Variants in MOB2 observed in about 807,000 individuals in gnomAD.
The protein encoded by MOB2 is MOB2 Mps One Binder homolog.
In MOB2, 14 loss-of-function variants were observed where a neutral mutation model predicts 27.4. The ratio of observed to expected loss-of-function variants is 0.51; its 90% CI spans 0.34 to 0.80. MOB2 has a LOEUF of 0.80. Ranked by LOEUF, MOB2 falls within the 30% of genes least tolerant of loss-of-function variation. The pLI is 0.01. For synonymous variants in MOB2, 167 were observed against 151.8 expected (o/e 1.10, Z -0.74); for missense variants, 304 against 354.6 (o/e 0.86, Z 1.15).
intron 1 of MOB2, among the ~76,000 whole-genome samples, chr11:1,483,222 C>T (rs1847935776): frequency 6.6e-6 from 1 of 152,208 alleles, no homozygotes; most frequent in African/African-American, 2.4e-5. Context: ...GCGCCCTGCT[C>T]CCAGCTCCCC....
At chr11:1,482,190 C>A (rs1388008596) in intron 1 of MOB2, among the ~76,000 whole-genome samples, 3 of 152,218 alleles carry the variant, frequency 2.0e-5, no homozygotes, top group African/African-American at 7.2e-5. Flanking sequence ...GCCCAGGCTG[C>A]CAAGCGGGCT....
In MOB2 at chr11:1,486,490, G is replaced by A. The variant is rs538768582; in HGVS notation, c.67C>T (p.Leu23Phe). 369 of 1,535,930 alleles carry A rather than the reference G, an allele frequency of 2.4e-4. 3 individuals are homozygous for A. The highest frequency in any genetic ancestry group is 4.9e-4 in the Admixed American group (25 of 51,006). ...GCCTGAAGCACCATTTTGCAGCAGA[G>A]TCCACTTTGCAGGGACTGGCCGGGC... Reference protein sequence around the residue: ...ARPGQSLQSGLCCKMVLQAVS... With the variant: ...ARPGQSLQSGFCCKMVLQAVS... The change falls in exon 1 of 5, where the codon CTC becomes TTC. Residue 23 changes from leucine to phenylalanine, a missense_variant. Physicochemically the swap from Leu to Phe is conservative, Grantham distance 22. Coordinates refer to ENST00000329957, the MANE Select transcript of MOB2 (RefSeq NM_001172223.3).
intron 1 of MOB2, among the ~76,000 whole-genome samples, chr11:1,483,119 G>C (rs1847933204): frequency 6.6e-6 from 1 of 152,258 alleles, no homozygotes; most frequent in African/African-American, 2.4e-5. Context: ...CACAGGCTCT[G>C]AAACAGGCTC....
At chr11:1,481,109 A>G in intron 1 of MOB2, 1 of 663,320 alleles carries the variant, frequency 1.5e-6, no homozygotes, top group Non-Finnish European at 2.7e-6. Context: ...CCTGGGAAGA[A>G]GGGCTGGCGC....
chr11:1,482,799 G>A (rs1458781200), intron 1 of MOB2, among the ~76,000 whole-genome samples: 1 of 152,250 alleles, frequency 6.6e-6, no homozygotes, highest in Non-Finnish European at 1.5e-5. Context: ...CGCAGGACAT[G>A]GCCTCTGCTC....
rs2133357176 is a variant in MOB2 at position 1,471,368 on chromosome 11, T to C, written c.417A>G (p.Pro139=). 6.2e-7 allele frequency: 1 copy of C among 1,613,574 alleles called. No homozygotes were observed. Among genetic ancestry groups the C allele is most frequent in the Non-Finnish European group, 8.5e-7 (1 of 1,179,822 alleles). Residue 139 remains proline (P), a synonymous_variant, in exon 4 of 5, where the codon CCA becomes CCG. Coordinates refer to ENST00000329957, the MANE Select transcript of MOB2 (RefSeq NM_001172223.3). ...ERGKKVKCTA[P]QYVDFVMSSV... is the part of the protein sequence containing the mutation. The stretch of plus-strand genomic sequence containing the variant: ...AGCTCATGACGAAGTCAACGTACTG[T>C]GGGGCCGTGCACTTGACCTTCTTCC...
At chr11:1,471,614 G>A in intron 3 of MOB2, 195 bp from the exon 4 acceptor site, 1 of 603,382 alleles carries the variant, frequency 1.7e-6, no homozygotes, top group Non-Finnish European at 2.8e-6. Context: ...ACTCTATGGA[G>A]GGGTCTGCCT....
chr11:1,470,810 C>T (rs1367066435), intron 4 of MOB2, among the ~76,000 whole-genome samples: 2 of 151,514 alleles, frequency 1.3e-5, no homozygotes, highest in Non-Finnish European at 2.9e-5. Context: ...CTCGGGCCCC[C>T]GTGGTGTCTC....
At chr11:1,481,924 G>A (rs1165158542) in intron 1 of MOB2, among the ~76,000 whole-genome samples, 1 of 152,186 alleles carries the variant, frequency 6.6e-6, no homozygotes, top group Admixed American at 6.5e-5. Flanking sequence ...GACAGACAGG[G>A]TGAGCTTCCG....
rs1847971829 is a variant in MOB2 at position 1,486,515 on chromosome 11, C to T, written c.42G>A (p.Arg14=). The change falls in exon 1 of 5, where the codon CGG becomes CGA. Residue 14 remains arginine (R), a synonymous_variant. Coordinates refer to ENST00000329957, the MANE Select transcript of MOB2 (RefSeq NM_001172223.3). The part of the protein sequence containing the change: ...DHCSLPEDQA[R]PGQSLQSGLC... ...GTCCACTTTGCAGGGACTGGCCGGG[C>T]CGGGCTTGGTCTTCAGGGAGACTGC... 1 of 1,535,678 alleles carries T rather than the reference C, an allele frequency of 6.5e-7. No homozygotes were observed. The highest frequency in any genetic ancestry group is 1.4e-5 in the African/African-American group (1 of 73,040).
intron 3 of MOB2, chr11:1,471,689 G>A (rs1017473774): frequency 5.2e-6 from 2 of 386,490 alleles, no homozygotes; most frequent in Non-Finnish European, 9.3e-6. Flanking sequence ...CTGTACAGGT[G>A]TGTGATTAAA....
At chr11:1,478,209 C>T (rs988313237) in intron 3 of MOB2, among the ~76,000 whole-genome samples, 1 of 152,162 alleles carries the variant, frequency 6.6e-6, no homozygotes, top group Non-Finnish European at 1.5e-5. Context: ...GCCCCACGGC[C>T]GCCCTGGAAA....
chr11:1,471,621 G>C, intron 3 of MOB2: 2 of 568,134 alleles, frequency 3.5e-6, no homozygotes, highest in Non-Finnish European at 3.0e-6. Context: ...GGAGGGGTCT[G>C]CCTGCGCTGA....
chr11:1,480,547 C>A, intron 2 of MOB2, 61 bp from the exon 3 acceptor site: 6 of 1,578,052 alleles, frequency 3.8e-6, no homozygotes, highest in Non-Finnish European at 5.2e-6. Context: ...CCCCGTCCAC[C>A]CCTGCTTCCA....
chr11:1,486,029 C>T (rs537885421), intron 1 of MOB2, among the ~76,000 whole-genome samples: 2 of 152,260 alleles, frequency 1.3e-5, no homozygotes, highest in African/African-American at 2.4e-5. Flanking sequence ...CACAAACAGC[C>T]GCACGCTGGG....
Position 1,469,988 on chromosome 11 carries a change from G to A in MOB2, c.*184C>T. On this transcript the variant is annotated 3_prime_UTR_variant, in exon 5 of 5. Transcript: ENST00000329957. ...ACAAACGGCACGCATCCATCCGACAGGGGGCCACAGGACACGGCCGGGGCC... is the reference window on the plus strand; with the variant it reads ...ACAAACGGCACGCATCCATCCGACAAGGGGCCACAGGACACGGCCGGGGCC... 6.8e-7 allele frequency: 1 copy of A among 1,465,826 alleles called. No individual in the cohort carries two copies. The highest frequency in any genetic ancestry group is 9.2e-7 in the Non-Finnish European group (1 of 1,083,868). 90.8% of individuals were successfully genotyped at this position (1,465,826 alleles called of 1,614,324 possible).
chr11:1,472,309 C>T (rs1253304788), intron 3 of MOB2: 2 of 152,224 alleles, frequency 1.3e-5, no homozygotes, highest in African/African-American at 2.4e-5. Context: ...GGGCCGATGC[C>T]GCAGCCCCAC....
chr11:1,471,345 C>T lies in MOB2; in HGVS notation c.440G>A (p.Ser147Asn). ...TAPQYVDFVMSSVQKLVTDED... is the reference protein window; with the variant it reads ...TAPQYVDFVMNSVQKLVTDED... ...ATCCGTCACCAGCTTCTGCACGGAGCTCATGACGAAGTCAACGTACTGTGG... is the reference window on the plus strand; with the variant it reads ...ATCCGTCACCAGCTTCTGCACGGAGTTCATGACGAAGTCAACGTACTGTGG... The change falls in exon 4 of 5, where the codon AGC becomes AAC. Residue 147 changes from serine (S) to asparagine (N), a missense_variant. Physicochemically the swap from Ser to Asn is conservative, Grantham distance 46 (BLOSUM62 1). Transcript: ENST00000329957. 6.2e-7 allele frequency: 1 copy of T among 1,613,580 alleles called. No homozygotes were observed. The highest frequency in any genetic ancestry group is 8.5e-7 in the Non-Finnish European group (1 of 1,179,822).
chr11:1,474,752 C>T (rs985921313), intron 3 of MOB2, among the ~76,000 whole-genome samples: 17 of 152,188 alleles, frequency 1.1e-4, no homozygotes, highest in Admixed American at 6.5e-5. Flanking sequence ...CCGGACTCTC[C>T]GTCCACACGT....
Sources: gnomAD v4.1 joint callset for allele counts (sites outside exome capture counted in the v4.1 genomes callset) on GRCh38, gnomAD v4.1.1 for gene constraint, MANE v1.5 for transcripts, NCBI Gene and HGNC (gene_info 2026-07-23, HGNC 2026-07-21) for gene names.